The following SMYD3 variants were observed in gnomAD, a reference collection of about 807,000 sequenced individuals.
SMYD3 encodes SET and MYND domain containing 3.
A neutral mutation model predicts 57.7 loss-of-function variants in SMYD3; 36 were observed. The ratio of observed to expected loss-of-function variants is 0.62; its 90% CI spans 0.48 to 0.82. The LOEUF is 0.82. Among genes scored for constraint, SMYD3 ranks in the 40% least tolerant of loss-of-function variants. The pLI is 0.00. For missense variants in SMYD3, 515 were observed against 538.8 expected (o/e 0.96, Z 0.44); for synonymous variants, 211 against 195.0 (o/e 1.08, Z -0.68).
intron 1 of SMYD3, among the ~76,000 whole-genome samples, chr1:246,493,228 G>C (rs1334110274): frequency 7.0e-6 from 1 of 142,428 alleles, no homozygotes; most frequent in Non-Finnish European, 1.5e-5. Context: ...GGAGAGGGGG[G>C]CTGAGGTAGG....
chr1:245,834,966 TGAGA>T (rs1449174821), intron 10 of SMYD3, among the ~76,000 whole-genome samples: 1 of 152,164 alleles, frequency 6.6e-6, no homozygotes, highest in Non-Finnish European at 1.5e-5. Context: ...TTCCATTATA[TGAGA>T]AAGTGAACTT....
intron 5 of SMYD3, among the ~76,000 whole-genome samples, chr1:246,124,388 A>G (rs925658199): frequency 1.3e-5 from 2 of 152,248 alleles, no homozygotes; most frequent in African/African-American, 4.8e-5. Context: ...TTCCAGCAAT[A>G]AAGACTACAG....
At position 246,507,141 on chromosome 1, in the gene SMYD3, G is replaced by A. The variant is rs1300709771; in HGVS notation, c.77C>T (p.Pro26Leu). 8 of 1,533,778 alleles carry A rather than the reference G, an allele frequency of 5.2e-6. No homozygotes were observed. The highest frequency in any genetic ancestry group is 4.3e-5 in the African/African-American group (3 of 70,394). The part of the protein sequence containing the change: ...NGLRAVTPLR[P>L]GELLFRSDPL... The stretch of plus-strand genomic sequence containing the variant: ...ATCCGAGCGGAAGAGTAGCTCTCCG[G>A]GGCGCAGCGGGGTCACGGCGCGCAG... The change falls in exon 1 of 12, where the codon CCC becomes CTC. Residue 26 changes from proline to leucine, a missense_variant. Coordinates refer to ENST00000490107, the MANE Select transcript of SMYD3 (RefSeq NM_001167740.2).
intron 5 of SMYD3, among the ~76,000 whole-genome samples, chr1:246,053,272 T>C (rs1317469652): frequency 6.6e-6 from 1 of 152,048 alleles, no homozygotes; most frequent in Non-Finnish European, 1.5e-5. Context: ...CCCTAAGTGA[T>C]CTACATTTCA....
intron 5 of SMYD3, among the ~76,000 whole-genome samples, chr1:246,039,956 A>T (rs2148290581): frequency 6.6e-6 from 1 of 152,346 alleles, no homozygotes; most frequent in African/African-American, 2.4e-5. Flanking sequence ...AAAAGTAACA[A>T]CATTAACGCA....
chr1:246,008,670 G>A (rs1472081678), intron 5 of SMYD3, among the ~76,000 whole-genome samples: 1 of 152,184 alleles, frequency 6.6e-6, no homozygotes, highest in African/African-American at 2.4e-5. Context: ...GCTGTTTAAT[G>A]AGGAGTCTCA....
intron 1 of SMYD3, among the ~76,000 whole-genome samples, chr1:246,488,494 C>A (rs2068221744): frequency 6.6e-6 from 1 of 152,118 alleles, no homozygotes; most frequent in Non-Finnish European, 1.5e-5. Flanking sequence ...CAAGACCAGC[C>A]CTGACAACCT....
At chr1:246,494,776 T>C (rs2103071886) in intron 1 of SMYD3, among the ~76,000 whole-genome samples, 1 of 152,336 alleles carries the variant, frequency 6.6e-6, no homozygotes, top group East Asian at 1.9e-4. Context: ...ACATCTATCA[T>C]AACCATGCCA....
intron 10 of SMYD3, among the ~76,000 whole-genome samples, chr1:245,849,450 C>A (rs12127001): frequency 0.41 from 61,864 of 151,756 alleles, 13,185 homozygotes; most frequent in East Asian, 0.8. Flanking sequence ...CAACTTCCAG[C>A]AGAGATGAGT....
chr1:246,059,925 T>C (rs1309989961), intron 5 of SMYD3, among the ~76,000 whole-genome samples: 2 of 152,110 alleles, frequency 1.3e-5, no homozygotes, highest in Non-Finnish European at 2.9e-5. Flanking sequence ...AATACTTAAG[T>C]TACAATTTCA....
At chr1:245,870,845 C>A (rs1439215918) in intron 8 of SMYD3, among the ~76,000 whole-genome samples, 6 of 151,928 alleles carry the variant, frequency 3.9e-5, no homozygotes, top group Admixed American at 6.6e-5. Flanking sequence ...ACACACGAAT[C>A]CATCCAGACC....
intron 8 of SMYD3, among the ~76,000 whole-genome samples, chr1:245,867,637 T>C (rs1255606005): frequency 9.6e-6 from 1 of 103,666 alleles, no homozygotes; most frequent in African/African-American, 2.8e-5. Flanking sequence ...CAAGAGAAGA[T>C]ATGTGCATGC....
intron 5 of SMYD3, among the ~76,000 whole-genome samples, chr1:245,934,890 A>G (rs2056915849): frequency 6.6e-6 from 1 of 152,224 alleles, no homozygotes; most frequent in Non-Finnish European, 1.5e-5. Flanking sequence ...CATGCTCACG[A>G]CTTAGTCACT....
chr1:246,240,942 G>A (rs931118458), intron 5 of SMYD3, among the ~76,000 whole-genome samples: 1 of 152,040 alleles, frequency 6.6e-6, no homozygotes, highest in African/African-American at 2.4e-5. Flanking sequence ...CATCGATTTT[G>A]TATCCTGAGA....
chr1:245,814,604 T>C (rs2048682628), intron 10 of SMYD3, among the ~76,000 whole-genome samples: 2 of 152,220 alleles, frequency 1.3e-5, no homozygotes, highest in South Asian at 4.1e-4. Context: ...CATCTTGATC[T>C]TCTGTGCCAT....
chr1:245,875,437 C>T (rs1267013342), intron 8 of SMYD3, among the ~76,000 whole-genome samples: 1 of 152,194 alleles, frequency 6.6e-6, no homozygotes, highest in Non-Finnish European at 1.5e-5. Flanking sequence ...CAGAATACTC[C>T]TACTACCAGA....
intron 5 of SMYD3, among the ~76,000 whole-genome samples, chr1:246,150,134 T>C (rs2061919308): frequency 1.3e-5 from 2 of 152,274 alleles, no homozygotes; most frequent in African/African-American, 2.4e-5. Flanking sequence ...TTTAATGTGA[T>C]ACTCTCTTAA....
In SMYD3 at chr1:245,846,164, A is replaced by AG. The variant is rs1314944719; in HGVS notation, c.1076+12331dup. On this transcript the variant is annotated intron_variant, in intron 10 of 11. Transcript: ENST00000490107. ...GTGGACAAGACTGTGAGGAAGAATG[A>AG]GGACAGCATCCAGGAAGGGAAGGAA... Among the ~76,000 whole-genome samples the AG allele has an allele frequency of 6.6e-5, 10 of 152,354 alleles. No homozygotes were observed. In the East Asian group the frequency reaches 1.9e-3, roughly 29 times the overall value.
intron 5 of SMYD3, among the ~76,000 whole-genome samples, chr1:246,232,444 T>C (rs2063426983): frequency 6.6e-6 from 1 of 152,142 alleles, no homozygotes; most frequent in African/African-American, 2.4e-5. Context: ...ACATATACCA[T>C]ATACCACAGA....
Sources: gnomAD v4.1 joint callset for allele counts (sites outside exome capture counted in the v4.1 genomes callset) on GRCh38, gnomAD v4.1.1 for gene constraint, MANE v1.5 for transcripts, NCBI Gene and HGNC (gene_info 2026-07-23, HGNC 2026-07-21) for gene names.